The following TENM2 variants were observed in gnomAD, a reference collection of about 807,000 sequenced individuals.
TENM2 encodes teneurin transmembrane protein 2, also known as teneurin-2.
Under a neutral mutation model 245.2 loss-of-function variants are expected in TENM2, and 52 were observed. The ratio of observed to expected loss-of-function variants is 0.21; its 90% CI spans 0.17 to 0.27. The LOEUF (loss-of-function observed/expected upper bound fraction) is 0.27, where lower values mean the gene tolerates loss of function less well. TENM2 is among the 10% of genes least tolerant of loss of function. The pLI, the probability that TENM2 is intolerant of heterozygous loss-of-function variation, is 1.00. For missense variants in TENM2, 3,046 were observed against 3,666.8 expected (o/e 0.83, Z 4.37); for synonymous variants, 1,363 against 1,438.9 (o/e 0.95, Z 1.19).
At chr5:167,355,473 G>T (rs1464014660) in intron 1 of TENM2, among the ~76,000 whole-genome samples, 3 of 152,184 alleles carry the variant, frequency 2.0e-5, no homozygotes, top group Non-Finnish European at 4.4e-5. Flanking sequence ...ATAATAATCT[G>T]CTGCTGATCC....
intron 2 of TENM2, among the ~76,000 whole-genome samples, chr5:167,517,885 C>A (rs1034873782): frequency 2.0e-5 from 3 of 151,878 alleles, no homozygotes; most frequent in African/African-American, 7.3e-5. Context: ...AGATCTTCCC[C>A]GTTCAAAAGC....
Position 167,510,742 on chromosome 5 carries a change from T to C in TENM2, c.502+135269T>C, listed in dbSNP as rs541518996. Among the ~76,000 whole-genome samples the C allele has an allele frequency of 2.8e-4, 43 of 150,956 alleles. 1 individual carries two copies. The South Asian group carries it at 8.0e-3, about 28-fold the overall frequency. ...GTTGAGTTTAGTTTTTTGTTGTTGT[T>C]TGTTTGTTTGGACTGGGGAACTCCA... On this transcript the variant is annotated intron_variant, in intron 2 of 28. Transcript: ENST00000518659.
the TENM2 span, among the ~76,000 whole-genome samples, chr5:167,026,323 G>C: frequency 1.2e-4 from 18 of 152,306 alleles, no homozygotes; most frequent in East Asian, 2.9e-3. Context: ...ATAAAAAGTA[G>C]CACTGGCAAC....
chr5:168,069,458 C>T (rs1227073661), intron 7 of TENM2, among the ~76,000 whole-genome samples: 1 of 152,166 alleles, frequency 6.6e-6, no homozygotes, highest in East Asian at 1.9e-4. Context: ...TTCATCCGAG[C>T]TCTTATAAAA....
intron 2 of TENM2, among the ~76,000 whole-genome samples, chr5:167,839,855 T>A (rs1769332543): frequency 6.6e-6 from 1 of 152,238 alleles, no homozygotes; most frequent in Non-Finnish European, 1.5e-5. Flanking sequence ...TTTGCTTTTT[T>A]TGTACAGGCT....
At chr5:167,539,604 G>A (rs1772065880) in intron 2 of TENM2, among the ~76,000 whole-genome samples, 1 of 152,188 alleles carries the variant, frequency 6.6e-6, no homozygotes, top group Admixed American at 6.5e-5. Context: ...CTTACGGGAA[G>A]ATGAGACCTA....
At chr5:167,532,881 T>C (rs533865180) in intron 2 of TENM2, among the ~76,000 whole-genome samples, 59 of 151,232 alleles carry the variant, frequency 3.9e-4, no homozygotes, top group African/African-American at 1.4e-3. Context: ...ATCTAGATGA[T>C]GTGATGAAAG....
intron 2 of TENM2, among the ~76,000 whole-genome samples, chr5:167,809,977 A>G (rs1025950978): frequency 1.3e-5 from 2 of 152,172 alleles, no homozygotes; most frequent in African/African-American, 4.8e-5. Context: ...TAAGCAATTT[A>G]GAGAATGAAT....
chr5:167,838,477 C>T (rs1769205504), intron 2 of TENM2, among the ~76,000 whole-genome samples: 1 of 152,150 alleles, frequency 6.6e-6, no homozygotes, highest in Non-Finnish European at 1.5e-5. Flanking sequence ...CTGATTCCTA[C>T]ATGGAAGCTT....
the TENM2 span, among the ~76,000 whole-genome samples, chr5:167,069,202 A>G: frequency 6.6e-6 from 1 of 152,198 alleles, no homozygotes; most frequent in Non-Finnish European, 1.5e-5. Context: ...GGGAGCTGGT[A>G]GTTTGAATGA....
chr5:167,209,436 G>A, the TENM2 span, among the ~76,000 whole-genome samples: 2 of 151,832 alleles, frequency 1.3e-5, no homozygotes, highest in East Asian at 2.0e-4. Flanking sequence ...GCTAATTTTT[G>A]TATTTTTATT....
At chr5:168,240,205 G>A (rs113815636) in intron 25 of TENM2, among the ~76,000 whole-genome samples, 2,437 of 152,302 alleles carry the variant, frequency 0.016, 27 homozygotes, top group Middle Eastern at 0.034. Flanking sequence ...GGATGACAGA[G>A]CGAGACTCTG....
Position 168,109,654 on chromosome 5 carries a change from C to T in TENM2, c.1814-8638C>T, listed in dbSNP as rs199601847. ...TAAATATCCAAATGCTCAGGCCTCA[C>T]GCCAGACGTTCTGAGTCAGAAGCTG... is the stretch of plus-strand genomic sequence containing the variant. On this transcript the variant is annotated intron_variant, in intron 9 of 28. Coordinates refer to ENST00000518659, the Ensembl canonical transcript of TENM2. Among the ~76,000 whole-genome samples, 7 of 152,354 alleles carry T rather than the reference C, an allele frequency of 4.6e-5. No homozygotes were observed. In the East Asian group the frequency reaches 5.8e-4, roughly 13 times the overall value.
rs1242839627 is a variant in TENM2, at chr5:168,238,180, AGAGAGG to A, written c.5521-6236_5521-6231del. Among the ~76,000 whole-genome samples the A allele has an allele frequency of 5.0e-3, 307 of 61,556 alleles. 35 individuals are homozygous for A. The highest frequency in any genetic ancestry group is 0.032 in the African/African-American group (206 of 6,450). 40.4% of individuals were successfully genotyped at this position (61,556 alleles called of 152,430 possible). A position where few individuals can be genotyped will look rare whatever the true frequency, so the allele number is the denominator to read the frequency against. ...GAAAGAGAGAGAGAGAGAGAGAGAG[AGAGAGG>A]GAGGGAGGGAGGGAGGGAGGGAGGG... On this transcript the variant is annotated intron_variant, in intron 25 of 28. Transcript: ENST00000518659.
rs58351767 is a variant in TENM2, at chr5:167,702,552, G to GTGTGTGTGTA, written c.503-173433_503-173432insGTGTGTGTAT. Among the ~76,000 whole-genome samples the GTGTGTGTGTA allele has an allele frequency of 2.5e-4, 34 of 136,780 alleles. 1 individual carries two copies. The highest frequency in any genetic ancestry group is 9.7e-4 in the African/African-American group (34 of 35,132). 89.7% of individuals were successfully genotyped at this position (136,780 alleles called of 152,430 possible). A position where few individuals can be genotyped will look rare whatever the true frequency, so the allele number is the denominator to read the frequency against. ...TATGTATGTATGTATGTGTGTGTGT[G>GTGTGTGTGTA]TATATATATATATATATATACATAT... On this transcript the variant is annotated intron_variant, in intron 2 of 28. Transcript: ENST00000518659.
chr5:167,731,443 T>C (rs1760430638), intron 2 of TENM2, among the ~76,000 whole-genome samples: 1 of 152,140 alleles, frequency 6.6e-6, no homozygotes, highest in African/African-American at 2.4e-5. Context: ...TTCTTTGATC[T>C]TTATCTTACT....
chr5:168,257,372 G>A (rs1004767741), intron 27 of TENM2, among the ~76,000 whole-genome samples: 11 of 152,090 alleles, frequency 7.2e-5, no homozygotes, highest in South Asian at 4.1e-4. Flanking sequence ...CAGAGGATAC[G>A]TTTAGGGAAA....
intron 2 of TENM2, among the ~76,000 whole-genome samples, chr5:167,389,839 C>A (rs1335533986): frequency 2.0e-5 from 3 of 152,124 alleles, no homozygotes; most frequent in Admixed American, 6.6e-5. Context: ...AATTACGGAT[C>A]GAAATATTTT....
chr5:167,925,069 C>T (rs577429344), intron 3 of TENM2, among the ~76,000 whole-genome samples: 6 of 152,234 alleles, frequency 3.9e-5, no homozygotes, highest in East Asian at 1.9e-4. Flanking sequence ...TAGATTTATG[C>T]GTGAATGTTC....
Sources: gnomAD v4.1 joint callset for allele counts (sites outside exome capture counted in the v4.1 genomes callset) on GRCh38, gnomAD v4.1.1 for gene constraint, MANE v1.5 for transcripts, NCBI Gene and HGNC (gene_info 2026-07-23, HGNC 2026-07-21) for gene names.